The following ANO3 variants were observed in gnomAD, a reference collection of about 807,000 sequenced individuals.
ANO3 encodes anoctamin-3.
ANO3 carries 99 observed loss-of-function variants against 144.8 expected under a neutral mutation model. The observed-to-expected ratio is 0.68, with a 90% confidence interval of 0.58 to 0.81. The LOEUF is 0.81. ANO3 is among the 30% of genes least tolerant of loss of function. ANO3 has a pLI of 0.00. For synonymous variants in ANO3, 414 were observed against 392.6 expected, an observed-to-expected ratio of 1.05 and a Z score of -0.64; for missense variants, 905 against 1,202.2, an observed-to-expected ratio of 0.75 and a Z score of 3.66.
chr11:26,228,093 G>T (rs541333113), intron 1 of ANO3, among the ~76,000 whole-genome samples: 1 of 152,248 alleles, frequency 6.6e-6, no homozygotes, highest in East Asian at 1.9e-4. Flanking sequence ...CCAGGTGTTT[G>T]GACCTGATTA....
At chr11:26,194,145 T>C (rs986014456) in intron 1 of ANO3, among the ~76,000 whole-genome samples, 3 of 151,146 alleles carry the variant, frequency 2.0e-5, no homozygotes, top group Non-Finnish European at 4.4e-5. Flanking sequence ...AGGTCACTTA[T>C]TATAATGGTT....
At chr11:26,325,140 C>T (rs765113311) in intron 1 of ANO3, among the ~76,000 whole-genome samples, 1 of 152,114 alleles carries the variant, frequency 6.6e-6, no homozygotes, top group African/African-American at 2.4e-5. Context: ...CATTGTTTTA[C>T]AATAAAACCA....
At chr11:26,460,334 C>T (rs1376978244) in intron 3 of ANO3, among the ~76,000 whole-genome samples, 1 of 145,242 alleles carries the variant, frequency 6.9e-6, no homozygotes, top group East Asian at 2.1e-4. Flanking sequence ...AATTGCATGT[C>T]ATAGAGGTTT....
intron 14 of ANO3, among the ~76,000 whole-genome samples, chr11:26,584,045 CTTG>C (rs1851207204): frequency 6.6e-6 from 1 of 152,126 alleles, no homozygotes; most frequent in African/African-American, 2.4e-5. Context: ...GTTTTCAAAA[CTTG>C]TTAAGCAATA....
chr11:26,295,832 A>G (rs1399261345), intron 1 of ANO3, among the ~76,000 whole-genome samples: 1 of 152,104 alleles, frequency 6.6e-6, no homozygotes, highest in African/African-American at 2.4e-5. Flanking sequence ...AATTCCTCCC[A>G]TGCTCCGTTC....
At chr11:26,405,648 T>A (rs1404883110) in intron 1 of ANO3, among the ~76,000 whole-genome samples, 1 of 151,932 alleles carries the variant, frequency 6.6e-6, no homozygotes, top group South Asian at 2.1e-4. Context: ...AAACAAGACC[T>A]AACACTGGCA....
intron 1 of ANO3, among the ~76,000 whole-genome samples, chr11:26,415,562 T>G (rs1308738797): frequency 1.3e-5 from 2 of 152,148 alleles, no homozygotes; most frequent in Non-Finnish European, 2.9e-5. Context: ...ATTTTGCATT[T>G]TTTTTGTTTC....
chr11:26,474,428 T>TA (rs539056929), intron 4 of ANO3, among the ~76,000 whole-genome samples: 105 of 152,052 alleles, frequency 6.9e-4, no homozygotes, highest in African/African-American at 2.4e-3. Context: ...AATGGTTTTT[T>TA]ATTCAAAAAC....
Position 26,243,242 on chromosome 11 carries a change from A to G in ANO3, c.154+53912A>G, listed in dbSNP as rs1009159629. On this transcript the variant is annotated intron_variant, in intron 1 of 27. Coordinates refer to the ANO3 transcript ENST00000672621. ...GAAGGTTGTTGCCAGGCTGGGTATA[A>G]TCAATTTATTTTCTAATCAATTATC... Among the ~76,000 whole-genome samples the G allele has an allele frequency of 3.9e-5, 6 of 152,084 alleles. No individual in the cohort carries two copies. The East Asian group carries it at 1.2e-3, about 29-fold the overall frequency.
At chr11:26,307,318 C>A (rs1854406156), upstream of ANO3, among the ~76,000 whole-genome samples, 1 of 152,142 alleles carries the variant, frequency 6.6e-6, no homozygotes, top group South Asian at 2.1e-4. Context: ...TGCGTCATTG[C>A]ACTCCAGCCT....
intron 1 of ANO3, among the ~76,000 whole-genome samples, chr11:26,193,039 C>T (rs778219280): frequency 2.6e-5 from 4 of 151,950 alleles, no homozygotes. Flanking sequence ...TTTTAAGCCC[C>T]GCATGCATTA....
intron 1 of ANO3, among the ~76,000 whole-genome samples, chr11:26,227,903 G>C (rs973629471): frequency 6.6e-6 from 1 of 152,154 alleles, no homozygotes; most frequent in Non-Finnish European, 1.5e-5. Context: ...GTTGTGGTCA[G>C]TGTGATTGGA....
intron 4 of ANO3, among the ~76,000 whole-genome samples, chr11:26,478,791 T>C (rs564298228): frequency 5.9e-5 from 9 of 152,144 alleles, no homozygotes; most frequent in Non-Finnish European, 1.3e-4. Context: ...ATTGGTTATA[T>C]AACTAGGGGT....
At chr11:26,497,495 G>A (rs1602936) in intron 4 of ANO3, among the ~76,000 whole-genome samples, 111,231 of 151,924 alleles carry the variant, frequency 0.73, 41,210 homozygotes, top group Middle Eastern at 0.83. Flanking sequence ...ACACCAGACC[G>A]ATGTTGTAAA....
chr11:26,331,568 T>G (rs1237880920), upstream of ANO3: 1 of 152,158 alleles, frequency 6.6e-6, no homozygotes, highest in Non-Finnish European at 1.5e-5. Flanking sequence ...GGTAGTGTTT[T>G]TTCAGCCCCT....
intron 1 of ANO3, among the ~76,000 whole-genome samples, chr11:26,376,098 C>G (rs368002999): frequency 1.3e-5 from 2 of 152,106 alleles, no homozygotes; most frequent in African/African-American, 2.4e-5. Flanking sequence ...CTTTAAGATA[C>G]GTTCAATTCA....
At chr11:26,259,341 G>A (rs746136718) in intron 1 of ANO3, among the ~76,000 whole-genome samples, 13 of 152,058 alleles carry the variant, frequency 8.5e-5, no homozygotes, top group Non-Finnish European at 5.9e-5. Context: ...CAAACAGAAA[G>A]GGAGGTGAAT....
chr11:26,645,054 G>C (rs999527197), intron 23 of ANO3, among the ~76,000 whole-genome samples: 2 of 131,306 alleles, frequency 1.5e-5, no homozygotes, highest in African/African-American at 5.1e-5. Flanking sequence ...TTTTTCACCT[G>C]TTGTATTTAT....
chr11:26,624,520 C>T (rs1329742639), intron 18 of ANO3, 22 bp downstream of exon 18: 1 of 1,577,258 alleles, frequency 6.3e-7, no homozygotes. Flanking sequence ...TTTCTTACTT[C>T]ACTCCTTAGT....
Sources: gnomAD v4.1 joint callset for allele counts (sites outside exome capture counted in the v4.1 genomes callset) on GRCh38, gnomAD v4.1.1 for gene constraint, MANE v1.5 for transcripts, NCBI Gene and HGNC (gene_info 2026-07-23, HGNC 2026-07-21) for gene names.